Variants in VIPR1 observed in about 807,000 individuals in gnomAD.
The protein encoded by VIPR1 is vasoactive intestinal polypeptide receptor 1.
Under a neutral mutation model 58.8 loss-of-function variants are expected in VIPR1, and 59 were observed. The observed-to-expected ratio is 1.00, with a 90% CI of 0.81 to 1.25. The LOEUF is 1.25. Among genes scored for constraint, VIPR1 ranks in the 50% most tolerant of loss-of-function variants. The pLI, the probability that VIPR1 is intolerant of heterozygous loss-of-function variation, is 0.00. For synonymous variants in VIPR1, 251 were observed against 242.1 expected (o/e 1.04, Z -0.34); for missense variants, 626 against 602.7 (o/e 1.04, Z -0.40).
At chr3:42,503,913 C>T (rs1475129475) in intron 1 of VIPR1, among the ~76,000 whole-genome samples, 1 of 152,162 alleles carries the variant, frequency 6.6e-6, no homozygotes, top group Non-Finnish European at 1.5e-5. Context: ...ATGGTCACTT[C>T]CCTTACCATC....
intron 1 of VIPR1, among the ~76,000 whole-genome samples, chr3:42,503,159 G>T (rs1166940357): frequency 6.6e-6 from 1 of 152,136 alleles, no homozygotes. Context: ...TACTGCGGCC[G>T]ATTGAGATGG....
intron 2 of VIPR1, among the ~76,000 whole-genome samples, chr3:42,516,059 A>G (rs1212363474): frequency 1.3e-5 from 2 of 152,088 alleles, no homozygotes; most frequent in Non-Finnish European, 2.9e-5. Flanking sequence ...GTGTACTGGC[A>G]TGTACATGTC....
At position 42,531,732 on chromosome 3, in the gene VIPR1, T is replaced by A. The variant is rs1577254681; in HGVS notation, c.852-71T>A. Reference sequence around the variant, plus strand: ...GCTCAGGAGCAGAGCTGGGGACAACTGGGGGAGGTGCTGCTGAGTCTCTCT... The same window carrying A: ...GCTCAGGAGCAGAGCTGGGGACAACAGGGGGAGGTGCTGCTGAGTCTCTCT... On this transcript the variant is annotated intron_variant, in intron 8 of 12. Coordinates refer to ENST00000325123, the MANE Select transcript of VIPR1 (RefSeq NM_004624.4). The A allele has an allele frequency of 9.4e-6, 15 of 1,601,070 alleles. No homozygotes were observed. In the East Asian group the frequency reaches 3.3e-4, roughly 36 times the overall value.
intron 1 of VIPR1, among the ~76,000 whole-genome samples, chr3:42,505,994 G>T (rs1306752811): frequency 6.6e-6 from 1 of 152,212 alleles, no homozygotes; most frequent in South Asian, 2.1e-4. Flanking sequence ...GGAGGTAAAG[G>T]TTGTGAAGGT....
At chr3:42,527,669 C>T in intron 5 of VIPR1, 173 bp downstream of exon 5, 1 of 683,172 alleles carries the variant, frequency 1.5e-6, no homozygotes. Context: ...GGTGGCTGAG[C>T]TCTTCCATGT....
chr3:42,531,788 C>G lies in VIPR1; in HGVS notation c.852-15C>G, dbSNP rs201275637. 3.1e-6 allele frequency: 5 copies of G among 1,614,154 alleles called. No homozygotes were observed. Among genetic ancestry groups the G allele is most frequent in the Non-Finnish European group, 4.2e-6 (5 of 1,180,024 alleles). ...TGAGGACAATCCCTCTCATTCCTCCCCACGGTCTGCTCAGGTGCTGGGACA... is the reference window on the plus strand; with the variant it reads ...TGAGGACAATCCCTCTCATTCCTCCGCACGGTCTGCTCAGGTGCTGGGACA... On this transcript the variant is annotated splice_polypyrimidine_tract_variant and intron_variant, in intron 8 of 12. Transcript: ENST00000325123.
intron 1 of VIPR1, among the ~76,000 whole-genome samples, chr3:42,503,908 C>T (rs62248803): frequency 0.017 from 2,613 of 152,246 alleles, 33 homozygotes; most frequent in Non-Finnish European, 0.027. Flanking sequence ...CTCCCATGGT[C>T]ACTTCCCTTA....
chr3:42,532,230 C>T lies in VIPR1; in HGVS notation c.919-12C>T. The T allele has an allele frequency of 6.2e-7, 1 of 1,614,084 alleles. No individual in the cohort carries two copies. The highest frequency in any genetic ancestry group is 8.5e-7 in the Non-Finnish European group (1 of 1,179,968). On this transcript the variant is annotated splice_polypyrimidine_tract_variant and intron_variant, in intron 9 of 12. Coordinates refer to ENST00000325123, the MANE Select transcript of VIPR1 (RefSeq NM_004624.4). Reference sequence around the variant, plus strand: ...CGCTCTGACTGCCCGAACTCGGGTCCCCACCCACTAGGTAAACTTCATCCT... The same window carrying T: ...CGCTCTGACTGCCCGAACTCGGGTCTCCACCCACTAGGTAAACTTCATCCT...
intron 3 of VIPR1, among the ~76,000 whole-genome samples, chr3:42,520,208 C>T (rs1700841977): frequency 6.6e-6 from 1 of 152,054 alleles, no homozygotes; most frequent in Admixed American, 6.6e-5. Context: ...TCCGTGAAGG[C>T]CAGTGTGGCT....
At chr3:42,523,254 T>C (rs1701053589) in intron 3 of VIPR1, among the ~76,000 whole-genome samples, 1 of 152,152 alleles carries the variant, frequency 6.6e-6, no homozygotes, top group South Asian at 2.1e-4. Flanking sequence ...GCCATTTTGA[T>C]ATCCTTGAGA....
At chr3:42,494,285 G>GT (rs200608142) in intron 1 of VIPR1, among the ~76,000 whole-genome samples, 3 of 151,554 alleles carry the variant, frequency 2.0e-5, no homozygotes, top group East Asian at 1.9e-4. Flanking sequence ...TGGAAATGCA[G>GT]TTTTTTTTTA....
intron 1 of VIPR1, among the ~76,000 whole-genome samples, chr3:42,495,633 G>A (rs1485188062): frequency 1.3e-5 from 2 of 151,968 alleles, no homozygotes; most frequent in African/African-American, 2.4e-5. Flanking sequence ...AGAGACATAA[G>A]TCAGACAGCT....
chr3:42,523,957 A>G (rs1332031006), intron 3 of VIPR1, among the ~76,000 whole-genome samples: 1 of 152,102 alleles, frequency 6.6e-6, no homozygotes, highest in Non-Finnish European at 1.5e-5. Flanking sequence ...AGCTGGGACT[A>G]CAGGTGTGTG....
intron 12 of VIPR1, among the ~76,000 whole-genome samples, chr3:42,535,856 C>T (rs918330335): frequency 7.9e-5 from 12 of 152,148 alleles, no homozygotes; most frequent in African/African-American, 2.4e-4. Context: ...TCTCCCTGGA[C>T]TGTATTCTAG....
intron 1 of VIPR1, among the ~76,000 whole-genome samples, chr3:42,504,181 A>G (rs1700004537): frequency 6.6e-6 from 1 of 152,112 alleles, no homozygotes; most frequent in Admixed American, 6.5e-5. Context: ...TCCCAACCCC[A>G]GGTTCAAGCC....
intron 1 of VIPR1, among the ~76,000 whole-genome samples, chr3:42,504,733 G>T (rs1228165158): frequency 4.5e-5 from 6 of 132,958 alleles, no homozygotes; most frequent in African/African-American, 1.7e-4. Flanking sequence ...GGGCAAACCT[G>T]CTCTAGCCGG....
upstream of VIPR1, among the ~76,000 whole-genome samples, chr3:42,498,165 T>C (rs1699802629): frequency 6.6e-6 from 1 of 152,206 alleles, no homozygotes; most frequent in African/African-American, 2.4e-5. Flanking sequence ...TGGATCCACC[T>C]CTAGAAAGAG....
At chr3:42,499,403 C>T (rs1370327726), upstream of VIPR1, among the ~76,000 whole-genome samples, 2 of 152,236 alleles carry the variant, frequency 1.3e-5, no homozygotes, top group African/African-American at 4.8e-5. Flanking sequence ...TGCAGATTCT[C>T]TTTGTGCCAT....
chr3:42,529,784 A>T (rs1701437319), intron 6 of VIPR1: 1 of 152,202 alleles, frequency 6.6e-6, no homozygotes. Flanking sequence ...AGGGGACAGA[A>T]GGCCCAGAAT....
Sources: allele counts gnomAD v4.1 joint callset (sites outside exome capture counted in the v4.1 genomes callset), GRCh38; gene constraint gnomAD v4.1.1; transcripts MANE v1.5; gene names NCBI Gene and HGNC (gene_info 2026-07-23, HGNC 2026-07-21).